VLDLR: variants seen among roughly 807,000 people sequenced by gnomAD.
The protein encoded by VLDLR is very low density lipoprotein receptor.
A neutral mutation model predicts 112.7 loss-of-function variants in VLDLR; 81 were observed. That is an observed-to-expected ratio of 0.72 (90% CI 0.60 to 0.86). The LOEUF is 0.86. VLDLR is among the 40% of genes least tolerant of loss of function. The probability of loss-of-function intolerance (pLI) is 0.00; values close to 1 mark genes in which losing one functional copy is unlikely to be tolerated. For missense variants in VLDLR, 1,237 were observed against 1,099.4 expected, an observed-to-expected ratio of 1.13 and a Z score of -1.77; for synonymous variants, 436 against 384.8, an observed-to-expected ratio of 1.13 and a Z score of -1.56.
Position 2,648,809 on chromosome 9 carries a change from A to G in VLDLR, c.2103A>G (p.Ser701=), listed in dbSNP as rs886063811. The G allele has an allele frequency of 2.5e-6, 4 of 1,614,190 alleles. No homozygotes were observed. Among genetic ancestry groups the G allele is most frequent in the Non-Finnish European group, 2.5e-6 (3 of 1,180,028 alleles). Residue 701 remains serine, a splice_region_variant and synonymous_variant, in exon 14 of 19, where the codon TCA becomes TCG. Coordinates refer to ENST00000382100, the MANE Select transcript of VLDLR (RefSeq NM_003383.5). ...TCTATCATGAACTTGTACAGCCATC[A>G]GGTACCGTGGAGAAGCACAGTCCTT... The part of the protein sequence containing the change: ...IIVYHELVQP[S]GKNWCEEDME...
In VLDLR at chr9:2,629,460, G is replaced by A. The variant is rs35548464; in HGVS notation, c.83-5993G>A. The stretch of plus-strand genomic sequence containing the variant: ...AACACAGTATCTAGAGCCAGTGCCT[G>A]GGTTCAACTCCTAGCTCTGCCCAGG... On this transcript the variant is annotated intron_variant, in intron 1 of 18. Coordinates refer to ENST00000382100, the MANE Select transcript of VLDLR (RefSeq NM_003383.5). Among the ~76,000 whole-genome samples the A allele has an allele frequency of 1.9e-3, 282 of 152,314 alleles. 1 individual carries two copies. Among genetic ancestry groups the A allele is most frequent in the African/African-American group, 6.2e-3 (258 of 41,568 alleles).
At chr9:2,640,008 A>T in intron 3 of VLDLR, 27 bp downstream of exon 3, 1 of 1,614,082 alleles carries the variant, frequency 6.2e-7, no homozygotes, top group Non-Finnish European at 8.5e-7. Context: ...TTGGCCTTGA[A>T]CTTTGCCAAG....
chr9:2,639,926 G>T lies in VLDLR; in HGVS notation c.270G>T (p.Lys90Asn), dbSNP rs1817755059. 6.2e-7 allele frequency: 1 copy of T among 1,614,120 alleles called. No individual in the cohort carries two copies. The highest frequency in any genetic ancestry group is 1.3e-5 in the African/African-American group (1 of 74,942). Residue 90 changes from lysine to asparagine, a missense_variant, in exon 3 of 19, where the codon AAG (lysine) becomes AAT (asparagine). Lys to Asn is a moderately conservative substitution (Grantham distance 94). Transcript: ENST00000382100. ...NNGQCVPSRW[K>N]CDGDPDCEDG... ...GCCAGTGTGTTCCCAGCCGATGGAA[G>T]TGTGATGGAGATCCTGACTGCGAAG...
At chr9:2,634,014 A>C (rs1401183814) in intron 1 of VLDLR, among the ~76,000 whole-genome samples, 1 of 152,220 alleles carries the variant, frequency 6.6e-6, no homozygotes, top group Non-Finnish European at 1.5e-5. Flanking sequence ...GTATTATGAA[A>C]TGAAGGTAGG....
chr9:2,649,465 C>T (rs541707840), intron 14 of VLDLR, among the ~76,000 whole-genome samples: 1 of 152,184 alleles, frequency 6.6e-6, no homozygotes, highest in Non-Finnish European at 1.5e-5. Flanking sequence ...AATCTCGGCT[C>T]ACTGCAACCT....
intron 2 of VLDLR, among the ~76,000 whole-genome samples, chr9:2,639,276 A>AAG (rs1227610359): frequency 6.6e-6 from 1 of 152,024 alleles, no homozygotes; most frequent in Non-Finnish European, 1.5e-5. Context: ...GTAGATAACA[A>AAG]AGAGAGAGAG....
At chr9:2,649,177 C>T (rs543520036) in intron 14 of VLDLR, among the ~76,000 whole-genome samples, 10 of 152,124 alleles carry the variant, frequency 6.6e-5, no homozygotes, top group African/African-American at 2.2e-4. Context: ...AATGAAGTAC[C>T]ACAGACTATC....
At chr9:2,639,339 T>C (rs1232115091) in intron 2 of VLDLR, among the ~76,000 whole-genome samples, 1 of 152,132 alleles carries the variant, frequency 6.6e-6, no homozygotes, top group African/African-American at 2.4e-5. Flanking sequence ...TCATGGGGGC[T>C]CCACCCTCAT....
chr9:2,647,346 A>C, intron 11 of VLDLR, 128 bp from the exon 12 acceptor site: 1 of 748,044 alleles, frequency 1.3e-6, no homozygotes, highest in Non-Finnish European at 2.4e-6. Context: ...TTAGACCCTT[A>C]AGTGTTACTA....
intron 11 of VLDLR, 129 bp from the exon 12 acceptor site, chr9:2,647,345 T>G (rs1024587646): frequency 2.7e-6 from 2 of 746,032 alleles, no homozygotes; most frequent in Admixed American, 3.8e-5. Flanking sequence ...TTTAGACCCT[T>G]AAGTGTTACT....
In VLDLR at chr9:2,656,192, T is replaced by TA. The variant is rs1163208230; in HGVS notation, c.*2325dup. On this transcript the variant is annotated 3_prime_UTR_variant, in exon 19 of 19. Transcript: ENST00000382100. ...GAGTCTAAAACGTCTCATTTTTTTT[T>TA]ACCACGTCCTCCCCAGTAAGAAGCC... 6.6e-6 allele frequency: 1 copy of TA among 151,578 alleles called. No individual in the cohort carries two copies. The highest frequency in any genetic ancestry group is 1.5e-5 in the Non-Finnish European group (1 of 67,990). The allele number at this position is 151,578 out of a possible 1,614,324, so 9.4% of individuals were successfully genotyped here.
At chr9:2,647,790 G>T (rs762430487) in intron 12 of VLDLR, 198 bp downstream of exon 12, 1 of 659,602 alleles carries the variant, frequency 1.5e-6, no homozygotes, top group Admixed American at 2.1e-5. Context: ...TTACTGGCCT[G>T]TTGTCCAGCT....
intron 1 of VLDLR, among the ~76,000 whole-genome samples, chr9:2,625,765 A>T (rs1586632182): frequency 6.6e-6 from 1 of 152,348 alleles, no homozygotes; most frequent in African/African-American, 2.4e-5. Flanking sequence ...AAACAGTCCA[A>T]AAATACTGTC....
In VLDLR at chr9:2,646,507, C is replaced by G. The variant is rs1191675553; in HGVS notation, c.1658C>G (p.Ser553Cys). Residue 553 changes from serine to cysteine, a missense_variant, in exon 11 of 19, where the codon TCT (serine) becomes TGT (cysteine). Ser to Cys is a moderately radical substitution (Grantham distance 112). Transcript: ENST00000382100. ...DGTKRKFLFN[S>C]DLREPASIAV... The stretch of plus-strand genomic sequence containing the variant: ...ACCAAGAGGAAGTTCCTGTTTAACT[C>G]TGACTTGCGAGAGCCTGCCTCCATA... 3 of 1,614,158 alleles carry G rather than the reference C, an allele frequency of 1.9e-6. No individual in the cohort carries two copies. Among genetic ancestry groups the G allele is most frequent in the African/African-American group, 1.3e-5 (1 of 75,040 alleles).
At chr9:2,644,898 G>T (rs762588337) in intron 8 of VLDLR, 45 bp downstream of exon 8, 2 of 1,614,142 alleles carry the variant, frequency 1.2e-6, no homozygotes, top group South Asian at 1.1e-5. Flanking sequence ...GATGGGAAAG[G>T]ATAGTATGTA....
Position 2,621,860 on chromosome 9 carries a change from C to T in VLDLR, c.-330C>T, listed in dbSNP as rs1406342957. On this transcript the variant is annotated 5_prime_UTR_variant, in exon 1 of 19. Coordinates refer to ENST00000382100, the MANE Select transcript of VLDLR (RefSeq NM_003383.5). ...TCTCCGTTCTGTGCTCTCTTCTGCTCTCGGCTCCCCACCCCCTCTCCCTTC... is the reference window on the plus strand; with the variant it reads ...TCTCCGTTCTGTGCTCTCTTCTGCTTTCGGCTCCCCACCCCCTCTCCCTTC... 9 of 565,230 alleles carry T rather than the reference C, an allele frequency of 1.6e-5. No individual in the cohort carries two copies. Among genetic ancestry groups the T allele is most frequent in the Non-Finnish European group, 2.7e-5 (8 of 299,454 alleles). 35.0% of individuals were successfully genotyped at this position (565,230 alleles called of 1,614,324 possible).
intron 1 of VLDLR, among the ~76,000 whole-genome samples, chr9:2,629,996 G>A (rs1334015752): frequency 6.6e-6 from 1 of 152,190 alleles, no homozygotes; most frequent in Non-Finnish European, 1.5e-5. Context: ...GTTTCACCAT[G>A]TTGACCAGGC....
intron 2 of VLDLR, among the ~76,000 whole-genome samples, chr9:2,639,233 C>T (rs908712210): frequency 1.3e-5 from 2 of 152,226 alleles, no homozygotes; most frequent in African/African-American, 4.8e-5. Context: ...TTCTGGTTTG[C>T]AGATGACCAT....
chr9:2,628,201 T>C (rs971119434), intron 1 of VLDLR, among the ~76,000 whole-genome samples: 2 of 152,044 alleles, frequency 1.3e-5, no homozygotes, highest in African/African-American at 4.8e-5. Context: ...AGGTGAAAAA[T>C]GGTAGCTGAA....
Sources: gnomAD v4.1 joint callset for allele counts (sites outside exome capture counted in the v4.1 genomes callset) on GRCh38, gnomAD v4.1.1 for gene constraint, MANE v1.5 for transcripts, NCBI Gene and HGNC (gene_info 2026-07-23, HGNC 2026-07-21) for gene names.